Variants in SHC3 observed in about 807,000 individuals in gnomAD.
The protein encoded by SHC3 is SHC-transforming protein 3.
A neutral mutation model predicts 60.4 loss-of-function variants in SHC3; 15 were observed. The observed-to-expected ratio is 0.25, with a 90% CI of 0.17 to 0.38. SHC3 has a LOEUF of 0.38. SHC3 is among the 10% of genes least tolerant of loss of function. SHC3 has a pLI of 1.00. For missense variants in SHC3, 677 were observed against 786.1 expected (o/e 0.86, Z 1.66); for synonymous variants, 294 against 325.9 (o/e 0.90, Z 1.05).
chr9:89,068,423 G>A (rs1825217079), intron 5 of SHC3, among the ~76,000 whole-genome samples: 1 of 152,192 alleles, frequency 6.6e-6, no homozygotes, highest in Non-Finnish European at 1.5e-5. Flanking sequence ...ACAAGGACTA[G>A]AATATAGAAT....
chr9:89,046,998 T>C lies in SHC3; in HGVS notation c.963-4A>G. ...TGGCTCATCCAGACTCTGCATTCTG[T>C]TAAAGGAAGATTTCCAAGGGCTTTA... On this transcript the variant is annotated splice_polypyrimidine_tract_variant and splice_region_variant and intron_variant, in intron 7 of 11. Transcript: ENST00000375835. The C allele has an allele frequency of 6.4e-7, 1 of 1,555,726 alleles. No homozygotes were observed. Among genetic ancestry groups the C allele is most frequent in the Non-Finnish European group, 8.7e-7 (1 of 1,152,456 alleles).
intron 2 of SHC3, among the ~76,000 whole-genome samples, chr9:89,106,372 G>A (rs983791526): frequency 4.6e-5 from 7 of 152,212 alleles, no homozygotes; most frequent in South Asian, 2.1e-4. Context: ...TCCAGCCAGC[G>A]CTGTCGCCTG....
chr9:89,101,911 T>C (rs1051022844), intron 2 of SHC3, among the ~76,000 whole-genome samples: 3 of 152,168 alleles, frequency 2.0e-5, no homozygotes, highest in Non-Finnish European at 4.4e-5. Flanking sequence ...TGTTATTTTT[T>C]CCTTAAATGT....
At chr9:89,119,132 C>T (rs1826056420) in intron 1 of SHC3, among the ~76,000 whole-genome samples, 2 of 151,680 alleles carry the variant, frequency 1.3e-5, no homozygotes, top group Admixed American at 1.3e-4. Flanking sequence ...TTCTAGGTAA[C>T]AGTAAAAAAT....
intron 1 of SHC3, among the ~76,000 whole-genome samples, chr9:89,152,849 A>G (rs1446474856): frequency 6.6e-6 from 1 of 152,254 alleles, no homozygotes; most frequent in Non-Finnish European, 1.5e-5. Flanking sequence ...GATACAATCC[A>G]TACTTAGAAA....
At chr9:89,039,622 C>T (rs892915191) in intron 10 of SHC3, among the ~76,000 whole-genome samples, 6 of 151,628 alleles carry the variant, frequency 4.0e-5, no homozygotes, top group Non-Finnish European at 7.4e-5. Context: ...TCAGCATCAC[C>T]GCCATCGTCG....
chr9:89,081,765 A>G (rs1391052003), intron 2 of SHC3, among the ~76,000 whole-genome samples: 1 of 152,142 alleles, frequency 6.6e-6, no homozygotes, highest in Non-Finnish European at 1.5e-5. Flanking sequence ...AGTAATAAAC[A>G]TGTCCAGGCC....
At chr9:89,154,587 C>A (rs556620916) in intron 1 of SHC3, among the ~76,000 whole-genome samples, 2 of 152,218 alleles carry the variant, frequency 1.3e-5, no homozygotes, top group Non-Finnish European at 2.9e-5. Flanking sequence ...TTCCCCTAAT[C>A]ATGTATCTGT....
At chr9:89,015,510 C>A (rs1826078305) in intron 11 of SHC3, among the ~76,000 whole-genome samples, 1 of 152,222 alleles carries the variant, frequency 6.6e-6, no homozygotes, top group Non-Finnish European at 1.5e-5. Flanking sequence ...AAGCTGAGAA[C>A]CACCAGTTAG....
intron 3 of SHC3, among the ~76,000 whole-genome samples, chr9:89,076,129 C>A (rs141159092): frequency 1.1e-4 from 16 of 152,124 alleles, no homozygotes; most frequent in Admixed American, 1.3e-4. Flanking sequence ...CCAAGAGAAC[C>A]ATGAGGATGC....
chr9:89,050,134 T>C (rs1824838815), intron 7 of SHC3, among the ~76,000 whole-genome samples: 1 of 152,230 alleles, frequency 6.6e-6, no homozygotes, highest in Non-Finnish European at 1.5e-5. Flanking sequence ...TATACAGTTC[T>C]TTGTGTATAT....
At chr9:89,149,309 T>C (rs1198353291) in intron 1 of SHC3, among the ~76,000 whole-genome samples, 1 of 152,228 alleles carries the variant, frequency 6.6e-6, no homozygotes, top group African/African-American at 2.4e-5. Context: ...CTTCTTTTCA[T>C]TTTGTTACTT....
At position 89,178,104 on chromosome 9, in the gene SHC3, C is replaced by T. The variant is rs1826971006; in HGVS notation, c.357G>A (p.Pro119=). 1 of 1,151,522 alleles carries T rather than the reference C, an allele frequency of 8.7e-7. No homozygotes were observed. Among genetic ancestry groups the T allele is most frequent in the East Asian group, 4.2e-5 (1 of 23,816 alleles). 71.3% of individuals were successfully genotyped at this position (1,151,522 alleles called of 1,614,324 possible). A position where few individuals can be genotyped will look rare whatever the true frequency, so the allele number is the denominator to read the frequency against. ...DGSAPSAPRA[P]AMSAARKGRP... ...GGCCCTTCCTGGCGGCGCTCATGGC[C>T]GGGGCGCGGGGCGCCGAGGGCGCAC... Residue 119 remains proline (P), a synonymous_variant, in exon 1 of 12, where the codon CCG becomes CCA. Coordinates refer to ENST00000375835, the MANE Select transcript of SHC3 (RefSeq NM_016848.6). This position sits in a 1 kb window ranked among gnomAD's most constrained non-coding sequence, Gnocchi z 6.9.
intron 11 of SHC3, among the ~76,000 whole-genome samples, chr9:89,020,349 T>C (rs560766059): frequency 2.0e-5 from 3 of 151,886 alleles, no homozygotes; most frequent in Non-Finnish European, 4.4e-5. Flanking sequence ...GGGGTGCCAG[T>C]TGTGGGGCAG....
At chr9:89,060,207 G>A (rs966737283) in intron 6 of SHC3, among the ~76,000 whole-genome samples, 13 of 150,254 alleles carry the variant, frequency 8.7e-5, no homozygotes, top group Non-Finnish European at 1.8e-4. Flanking sequence ...GTGGAGGGTG[G>A]TGGTGGAGGA....
chr9:89,016,149 A>C (rs1286171357), intron 11 of SHC3, among the ~76,000 whole-genome samples: 1 of 152,076 alleles, frequency 6.6e-6, no homozygotes, highest in Non-Finnish European at 1.5e-5. Flanking sequence ...AGGCCCAAAA[A>C]ACCTCTAGCC....
chr9:89,094,196 G>A (rs1473445263), intron 2 of SHC3, among the ~76,000 whole-genome samples: 2 of 151,940 alleles, frequency 1.3e-5, no homozygotes, highest in African/African-American at 4.8e-5. Flanking sequence ...ACAAAAACAC[G>A]AGGCAGCAGG....
At chr9:89,167,019 A>T (rs1048885000) in intron 1 of SHC3, among the ~76,000 whole-genome samples, 2 of 152,070 alleles carry the variant, frequency 1.3e-5, no homozygotes, top group Non-Finnish European at 2.9e-5. Context: ...GTGGCTCTTC[A>T]CAGCACGAAA....
chr9:89,114,878 C>T (rs1000907890), intron 1 of SHC3, among the ~76,000 whole-genome samples: 1 of 152,106 alleles, frequency 6.6e-6, no homozygotes, highest in Admixed American at 6.6e-5. Flanking sequence ...ATATAATCCC[C>T]ACCAGTATCA....
Sources: gnomAD v4.1 joint callset for allele counts (sites outside exome capture counted in the v4.1 genomes callset) on GRCh38, gnomAD v4.1.1 for gene constraint, Gnocchi (gnomAD v3.1) non-coding constraint, MANE v1.5 for transcripts, NCBI Gene and HGNC (gene_info 2026-07-23, HGNC 2026-07-21) for gene names.